Variants in ZNF512 observed in about 807,000 individuals in gnomAD.
The protein encoded by ZNF512 is zinc finger protein 512.
ZNF512 carries 25 observed loss-of-function variants against 77.5 expected under a neutral mutation model. The observed-to-expected ratio is 0.32, with a 90% CI of 0.23 to 0.45. The LOEUF is 0.45. Ranked by LOEUF, ZNF512 falls within the 20% of genes least tolerant of loss-of-function variation. The pLI is 1.00. For synonymous variants in ZNF512, 246 were observed against 239.9 expected, an observed-to-expected ratio of 1.03 and a Z score of -0.24; for missense variants, 483 against 692.6, an observed-to-expected ratio of 0.70 and a Z score of 3.40.
At chr2:27,607,787 C>T in intron 9 of ZNF512, 58 bp from the exon 10 acceptor site, 1 of 1,549,244 alleles carries the variant, frequency 6.5e-7, no homozygotes, top group Non-Finnish European at 8.9e-7. Flanking sequence ...CCTTTAATCA[C>T]TGGCTGTGAT....
intron 2 of ZNF512, among the ~76,000 whole-genome samples, chr2:27,590,544 A>G (rs910234228): frequency 2.0e-5 from 3 of 152,180 alleles, no homozygotes; most frequent in Admixed American, 6.6e-5. Context: ...GACTGTAAAC[A>G]TTTAAATTAA....
Position 27,621,374 on chromosome 2 carries a change from C to G in ZNF512, c.1617C>G (p.Ser539=), listed in dbSNP as rs761744399. ...ATGAGGAACTGGTAGTGTCAGCCTC[C>G]TGTAAGGAACCAGAGCAGGAGCCAG... ...RNNEELVVSA[S]CKEPEQEPVP... The change falls in exon 14 of 14, where the codon TCC becomes TCG. Residue 539 remains serine (S), a synonymous_variant. Coordinates refer to ENST00000355467, the MANE Select transcript of ZNF512 (RefSeq NM_032434.4). The G allele has an allele frequency of 3.1e-5, 50 of 1,613,942 alleles. No individual in the cohort carries two copies. Among genetic ancestry groups the G allele is most frequent in the Non-Finnish European group, 4.2e-5 (50 of 1,180,026 alleles).
At chr2:27,618,202 G>T (rs1386913759) in intron 13 of ZNF512, among the ~76,000 whole-genome samples, 2 of 152,200 alleles carry the variant, frequency 1.3e-5, no homozygotes, top group East Asian at 3.9e-4. Context: ...TTACAGGTGT[G>T]AGCCACCATG....
chr2:27,614,677 C>CAA (rs34716327), intron 10 of ZNF512, among the ~76,000 whole-genome samples: 3 of 100,488 alleles, frequency 3.0e-5, no homozygotes, highest in African/African-American at 8.9e-5. Context: ...GACTCCATCT[C>CAA]AAAAAAAAAA....
intron 2 of ZNF512, among the ~76,000 whole-genome samples, chr2:27,585,682 GA>G (rs1186301049): frequency 6.6e-6 from 1 of 152,160 alleles, no homozygotes; most frequent in Non-Finnish European, 1.5e-5. Context: ...TTTGCACATG[GA>G]AGAATGAGCT....
At chr2:27,605,486 G>T (rs1672310782) in intron 9 of ZNF512, among the ~76,000 whole-genome samples, 1 of 150,286 alleles carries the variant, frequency 6.7e-6, no homozygotes, top group Non-Finnish European at 1.5e-5. Context: ...GTTGTGTTTT[G>T]TTTTTTTGAA....
In ZNF512 at chr2:27,599,232, G is replaced by A. The variant is rs530323635; in HGVS notation, c.278-351G>A. ...TATTCAGGGGAGAATATTCTGGATC[G>A]TCACAATCTCAAGGGTCCTTGGTGG... On this transcript the variant is annotated intron_variant, in intron 3 of 13. Coordinates refer to ENST00000355467, the MANE Select transcript of ZNF512 (RefSeq NM_032434.4). Among the ~76,000 whole-genome samples, 13 of 152,258 alleles carry A rather than the reference G, an allele frequency of 8.5e-5. No individual in the cohort carries two copies. The South Asian group carries it at 1.9e-3, about 22-fold the overall frequency.
At chr2:27,611,939 A>G (rs1337148203) in intron 10 of ZNF512, among the ~76,000 whole-genome samples, 3 of 151,478 alleles carry the variant, frequency 2.0e-5, no homozygotes, top group African/African-American at 4.9e-5. Context: ...CTTGTGATCC[A>G]CCCCCTAGAG....
intron 9 of ZNF512, among the ~76,000 whole-genome samples, chr2:27,605,031 C>CT (rs540980906): frequency 6.6e-6 from 1 of 151,324 alleles, no homozygotes; most frequent in Non-Finnish European, 1.5e-5. Flanking sequence ...TAGTTTATTC[C>CT]TTTTTTTTTC....
chr2:27,608,281 C>T (rs1278723081), intron 10 of ZNF512, among the ~76,000 whole-genome samples: 1 of 152,094 alleles, frequency 6.6e-6, no homozygotes, highest in East Asian at 1.9e-4. Flanking sequence ...CAGAGGGAAC[C>T]TGAATTCTTA....
chr2:27,593,246 A>ACAC (rs1558465769), intron 2 of ZNF512, among the ~76,000 whole-genome samples: 5 of 141,100 alleles, frequency 3.5e-5, no homozygotes, highest in African/African-American at 5.6e-5. Context: ...ACACACACAC[A>ACAC]AAAGAATGAG....
At chr2:27,604,083 C>T (rs184718361) in intron 9 of ZNF512, among the ~76,000 whole-genome samples, 43 of 152,092 alleles carry the variant, frequency 2.8e-4, no homozygotes, top group Middle Eastern at 3.4e-3. Flanking sequence ...CGTGCCACCA[C>T]GCCCAGCTAA....
At chr2:27,613,422 G>T (rs1672748380) in intron 10 of ZNF512, among the ~76,000 whole-genome samples, 2 of 151,672 alleles carry the variant, frequency 1.3e-5, no homozygotes, top group Non-Finnish European at 2.9e-5. Flanking sequence ...CTTGAACCTG[G>T]AAGGCGGAGG....
In ZNF512 at chr2:27,600,723, G is replaced by A. The variant is rs781603183; in HGVS notation, c.490G>A (p.Val164Ile). ...GGAGGAGCAATGGTACTTAGAAATC[G>A]TTGATAAAGGCAGTGTCTCCTGCCC... ...SLEEQWYLEI[V>I]DKGSVSCPTC... Residue 164 changes from valine (V) to isoleucine (I), a missense_variant, in exon 6 of 14, where the codon GTT becomes ATT. Val to Ile is a conservative substitution (Grantham distance 29, BLOSUM62 3). Transcript: ENST00000355467. 7 of 1,613,788 alleles carry A rather than the reference G, an allele frequency of 4.3e-6. No individual in the cohort carries two copies. The highest frequency in any genetic ancestry group is 2.2e-5 in the East Asian group (1 of 44,878).
rs764508702 is a variant in ZNF512 at position 27,602,505 on chromosome 2, A to C, written c.712A>C (p.Arg238=). 10 of 1,614,042 alleles carry C rather than the reference A, an allele frequency of 6.2e-6. No individual in the cohort carries two copies. The South Asian group carries it at 1.1e-4, about 18-fold the overall frequency. Residue 238 remains arginine (R), a synonymous_variant, in exon 8 of 14, where the codon AGG becomes CGG. Transcript: ENST00000355467. ...AGATGAAATAGATGAGCCAAGTGAG[A>C]GGGAAAGGCTCCGAACAGTTCTAAA... ...AGDEIDEPSE[R]ERLRTVLKRL...
chr2:27,616,389 T>G, intron 12 of ZNF512, 65 bp downstream of exon 12: 2 of 1,325,194 alleles, frequency 1.5e-6, no homozygotes, highest in Non-Finnish European at 2.2e-6. Flanking sequence ...TGGAAGAGAA[T>G]TCAGTTTAGG....
At chr2:27,598,838 CT>C (rs1553351202) in intron 3 of ZNF512, among the ~76,000 whole-genome samples, 7 of 148,780 alleles carry the variant, frequency 4.7e-5, no homozygotes, top group Admixed American at 6.7e-5. Context: ...TTTTCTTCTT[CT>C]TTTTTTTTTG....
At chr2:27,602,904 A>C (rs1672183371) in intron 8 of ZNF512, among the ~76,000 whole-genome samples, 1 of 152,112 alleles carries the variant, frequency 6.6e-6, no homozygotes, top group Non-Finnish European at 1.5e-5. Context: ...CATAGAGTAG[A>C]TGCACAGTTA....
intron 9 of ZNF512, among the ~76,000 whole-genome samples, chr2:27,605,990 T>C (rs1481950607): frequency 6.6e-6 from 1 of 152,228 alleles, no homozygotes; most frequent in Non-Finnish European, 1.5e-5. Flanking sequence ...CAATTTTATT[T>C]TTTGATCCAT....
Sources: gnomAD v4.1 joint callset for allele counts (sites outside exome capture counted in the v4.1 genomes callset) on GRCh38, gnomAD v4.1.1 for gene constraint, MANE v1.5 for transcripts, NCBI Gene and HGNC (gene_info 2026-07-23, HGNC 2026-07-21) for gene names.